The following DPP6 variants were observed in gnomAD, a reference collection of about 807,000 sequenced individuals.
DPP6 encodes the protein dipeptidyl peptidase like 6, also known as A-type potassium channel modulatory protein DPP6.
A neutral mutation model predicts 122.6 loss-of-function variants in DPP6; 69 were observed. The observed-to-expected ratio is 0.56, with a 90% CI of 0.46 to 0.69. The LOEUF is 0.69. Ranked by LOEUF, DPP6 falls within the 30% of genes least tolerant of loss-of-function variation. The pLI, the probability that DPP6 is intolerant of heterozygous loss-of-function variation, is 0.00. For missense variants in DPP6, 928 were observed against 1,116.9 expected, an observed-to-expected ratio of 0.83 and a Z score of 2.41; for synonymous variants, 418 against 433.1, an observed-to-expected ratio of 0.97 and a Z score of 0.43.
chr7:153,961,551 A>G lies in DPP6; in HGVS notation c.51+73817A>G, dbSNP rs535418370. On this transcript the variant is annotated intron_variant, in intron 1 of 25. Coordinates refer to the DPP6 transcript ENST00000404039. ...TGGTTTCATGGAAGACAATTTTTCC[A>G]TGGACCGGGGAGTGGGGTGGGGTGG... Among the ~76,000 whole-genome samples the G allele has an allele frequency of 1.3e-4, 19 of 148,210 alleles. No homozygotes were observed. In the East Asian group the frequency reaches 2.6e-3, roughly 20 times the overall value.
intron 1 of DPP6, among the ~76,000 whole-genome samples, chr7:154,424,724 CA>C (rs1198381114): frequency 6.6e-6 from 1 of 152,202 alleles, no homozygotes; most frequent in Non-Finnish European, 1.5e-5. Flanking sequence ...TTGTTCATTA[CA>C]ATGAAGCAAT....
the DPP6 span, among the ~76,000 whole-genome samples, chr7:153,757,479 T>C: frequency 6.6e-6 from 1 of 151,998 alleles, no homozygotes; most frequent in Non-Finnish European, 1.5e-5. Context: ...TTTACTGAGG[T>C]AGAGTGGAAG....
intron 1 of DPP6, among the ~76,000 whole-genome samples, chr7:154,408,733 T>C (rs1430618237): frequency 6.6e-6 from 1 of 152,012 alleles, no homozygotes; most frequent in Non-Finnish European, 1.5e-5. Context: ...CTTTCCAGTC[T>C]CCTCTGGTCT....
At position 154,624,915 on chromosome 7, in the gene DPP6, A is replaced by T. The variant is rs182453060; in HGVS notation, c.628-12906A>T. On this transcript the variant is annotated intron_variant, in intron 5 of 25. Coordinates refer to ENST00000377770, the MANE Select transcript of DPP6 (RefSeq NM_130797.4). The surrounding 1 kb of genome is among the most constrained non-coding windows in gnomAD (Gnocchi z 4.7). ...GCATATGACCAACATTTTACATTTC[A>T]GAGTTGGCTCCCACCTTAACACACA... Among the ~76,000 whole-genome samples the T allele has an allele frequency of 8.0e-4, 122 of 152,278 alleles. 1 individual carries two copies. Among genetic ancestry groups the T allele is most frequent in the African/African-American group, 2.6e-3 (107 of 41,558 alleles).
chr7:154,213,681 G>A (rs745700061), intron 1 of DPP6, among the ~76,000 whole-genome samples: 1 of 152,144 alleles, frequency 6.6e-6, no homozygotes, highest in Non-Finnish European at 1.5e-5. Flanking sequence ...CACATATTAA[G>A]ATTTGAACCC....
intron 1 of DPP6, among the ~76,000 whole-genome samples, chr7:153,918,524 AACACACACACACACAC>A (rs71182852): frequency 0.013 from 1,001 of 77,484 alleles, 22 homozygotes; most frequent in African/African-American, 0.052. Flanking sequence ...AGGTAATTAA[AACACACACACACACAC>A]ACACACACAC....
At chr7:153,787,384 C>T in the DPP6 span, among the ~76,000 whole-genome samples, 1 of 147,856 alleles carries the variant, frequency 6.8e-6, no homozygotes, top group African/African-American at 2.5e-5. Flanking sequence ...CAGTCGTTCT[C>T]CAGAGATGCT....
chr7:154,581,038 TC>T (rs1462117813), intron 5 of DPP6, among the ~76,000 whole-genome samples: 1 of 152,118 alleles, frequency 6.6e-6, no homozygotes, highest in Non-Finnish European at 1.5e-5. Context: ...GACTGTTTTT[TC>T]TGCTTGCCCT....
chr7:154,686,250 T>C (rs1465346363), intron 7 of DPP6, among the ~76,000 whole-genome samples: 1 of 152,220 alleles, frequency 6.6e-6, no homozygotes, highest in East Asian at 1.9e-4. Flanking sequence ...CTTCTTCCTT[T>C]GGACCGAACT....
At chr7:154,818,875 A>T (rs1227826954) in intron 16 of DPP6, among the ~76,000 whole-genome samples, 1 of 152,234 alleles carries the variant, frequency 6.6e-6, no homozygotes, top group Non-Finnish European at 1.5e-5. Context: ...TTGTTAATGT[A>T]AGTGACATGA....
At chr7:154,123,303 T>C (rs1807632944) in intron 1 of DPP6, among the ~76,000 whole-genome samples, 1 of 152,214 alleles carries the variant, frequency 6.6e-6, no homozygotes, top group African/African-American at 2.4e-5. Context: ...AGGGCTTTCT[T>C]TGAAGCAGTC....
rs566314877 is a variant in DPP6 at position 154,005,294 on chromosome 7, T to C, written c.51+117560T>C. The stretch of plus-strand genomic sequence containing the variant: ...TGCCTGGGCCATCTGAGAAGTTGGC[T>C]GGTCCTATCCAGGGCTTCCCCAGTT... On this transcript the variant is annotated intron_variant, in intron 1 of 25. Coordinates refer to the DPP6 transcript ENST00000404039. Among the ~76,000 whole-genome samples, 97 of 152,312 alleles carry C rather than the reference T, an allele frequency of 6.4e-4. 1 individual carries two copies. The highest frequency in any genetic ancestry group is 3.4e-3 in the Middle Eastern group (1 of 294).
intron 1 of DPP6, among the ~76,000 whole-genome samples, chr7:154,407,502 G>A (rs1334751898): frequency 6.6e-6 from 1 of 152,134 alleles, no homozygotes; most frequent in Non-Finnish European, 1.5e-5. Context: ...TCGCTACAAC[G>A]ATTTTGCCAG....
chr7:153,967,741 C>A (rs1261966264), intron 1 of DPP6, among the ~76,000 whole-genome samples: 1 of 151,964 alleles, frequency 6.6e-6, no homozygotes, highest in African/African-American at 2.4e-5. Flanking sequence ...AGTTTTAATT[C>A]TCTTTCACAA....
intron 6 of DPP6, among the ~76,000 whole-genome samples, chr7:154,660,058 T>G (rs919287279): frequency 3.9e-5 from 6 of 151,986 alleles, no homozygotes; most frequent in Non-Finnish European, 7.4e-5. Flanking sequence ...TGGAAACTCC[T>G]GTAACGTGTT....
At chr7:154,307,583 C>T (rs539709597) in intron 1 of DPP6, among the ~76,000 whole-genome samples, 3 of 151,410 alleles carry the variant, frequency 2.0e-5, no homozygotes, top group South Asian at 4.2e-4. Flanking sequence ...AGTGTATATA[C>T]CTTGAGGAGA....
At chr7:153,780,174 A>C in the DPP6 span, among the ~76,000 whole-genome samples, 1 of 152,176 alleles carries the variant, frequency 6.6e-6, no homozygotes, top group Non-Finnish European at 1.5e-5. Flanking sequence ...TGAGAATCAA[A>C]AAAAGAGAAC....
chr7:154,112,738 CT>C (rs921531830), intron 1 of DPP6, among the ~76,000 whole-genome samples: 1 of 151,862 alleles, frequency 6.6e-6, no homozygotes, highest in African/African-American at 2.4e-5. Context: ...TCTTTTCTTT[CT>C]TTTTTTTGTG....
intron 1 of DPP6, among the ~76,000 whole-genome samples, chr7:154,297,640 CA>C (rs1805630381): frequency 6.6e-6 from 1 of 152,208 alleles, no homozygotes; most frequent in South Asian, 2.1e-4. Context: ...CCTAAAATAA[CA>C]GTGCCCAGTA....
Sources: allele counts gnomAD v4.1 joint callset (sites outside exome capture counted in the v4.1 genomes callset), GRCh38; gene constraint gnomAD v4.1.1; non-coding constraint Gnocchi (gnomAD v3.1); transcripts MANE v1.5; gene names NCBI Gene and HGNC (gene_info 2026-07-23, HGNC 2026-07-21).